Variants in FN1 observed in about 807,000 individuals in gnomAD.
FN1 encodes the protein fibronectin 1.
A neutral mutation model predicts 297.3 loss-of-function variants in FN1; 106 were observed. The ratio of observed to expected loss-of-function variants is 0.36; its 90% CI spans 0.30 to 0.42. FN1 has a LOEUF of 0.42. FN1 is among the 10% of genes least tolerant of loss of function. FN1 has a pLI of 1.00. For synonymous variants in FN1, 1,149 were observed against 1,152.6 expected (o/e 1.00, Z 0.06); for missense variants, 2,690 against 3,124.9 (o/e 0.86, Z 3.32).
intron 40 of FN1, chr2:215,370,657 A>C: frequency 1.9e-6 from 1 of 536,718 alleles, no homozygotes; most frequent in Non-Finnish European, 3.3e-6. Flanking sequence ...CCTGCCAACA[A>C]TCTACCTACG....
intron 12 of FN1, among the ~76,000 whole-genome samples, chr2:215,416,873 T>C (rs1176816813): frequency 6.6e-6 from 1 of 152,100 alleles, no homozygotes; most frequent in Non-Finnish European, 1.5e-5. Flanking sequence ...ACTACAGAGG[T>C]CCCTTTTGCT....
chr2:215,423,645 CAGAATAAAAAATGTCTGATAAT>C (rs935281180), intron 8 of FN1, 119 bp from the exon 9 acceptor site: 4 of 897,658 alleles, frequency 4.5e-6, no homozygotes, highest in Non-Finnish European at 7.2e-6. Flanking sequence ...CAGTCTATCT[CAGAATAAAAAATGTCTGATAAT>C]ATAGTTCTAA....
chr2:215,428,038 C>A (rs1025615051), intron 6 of FN1, 142 bp downstream of exon 6: 5 of 1,043,602 alleles, frequency 4.8e-6, no homozygotes, highest in Non-Finnish European at 7.2e-6. Flanking sequence ...TTTTAACAAC[C>A]AATAATGTGT....
chr2:215,434,611 T>C (rs1559622917), intron 2 of FN1, 85 bp downstream of exon 2: 19 of 1,465,966 alleles, frequency 1.3e-5, no homozygotes, highest in Non-Finnish European at 1.8e-5. Context: ...AAATGGTGTA[T>C]GTATTTTTAC....
intron 5 of FN1, 54 bp downstream of exon 5, chr2:215,430,661 G>A (rs2066350050): frequency 6.3e-7 from 1 of 1,592,452 alleles, no homozygotes; most frequent in East Asian, 2.2e-5. Flanking sequence ...TTCTCTCTAG[G>A]AATCCAGAAA....
chr2:215,365,354 C>G (rs1300797145), intron 43 of FN1, 151 bp downstream of exon 43: 1 of 862,032 alleles, frequency 1.2e-6, no homozygotes, highest in Non-Finnish European at 1.9e-6. Context: ...AAGCTTGTCT[C>G]CACTTTCCCA....
intron 21 of FN1, among the ~76,000 whole-genome samples, chr2:215,398,391 C>T (rs1575542575): frequency 1.3e-5 from 2 of 152,136 alleles, no homozygotes; most frequent in East Asian, 3.8e-4. Flanking sequence ...ATTTAAAATC[C>T]TTTTAAGATT....
At chr2:215,382,594 G>GA (rs2058364454) in intron 31 of FN1, among the ~76,000 whole-genome samples, 2 of 152,078 alleles carry the variant, frequency 1.3e-5, no homozygotes, top group Non-Finnish European at 2.9e-5. Context: ...ACTGCTCTCA[G>GA]AAAAAATGAA....
chr2:215,423,604 G>A (rs1559567005), intron 8 of FN1, 78 bp from the exon 9 acceptor site: 1 of 1,351,978 alleles, frequency 7.4e-7, no homozygotes, highest in East Asian at 2.3e-5. Context: ...ACTGGTCTGA[G>A]AGAGCCAGGT....
At chr2:215,381,951 A>C in intron 32 of FN1, 1 of 438,286 alleles carries the variant, frequency 2.3e-6, no homozygotes. Context: ...TAGGCAAATA[A>C]GATTTCGCTG....
intron 25 of FN1, chr2:215,392,064 C>T: frequency 2.1e-6 from 1 of 476,828 alleles, no homozygotes; most frequent in East Asian, 3.9e-5. Flanking sequence ...TTTTAATCTA[C>T]TTTCAAATAT....
intron 38 of FN1, among the ~76,000 whole-genome samples, chr2:215,374,252 A>G (rs528375227): frequency 0.011 from 1,599 of 150,716 alleles, 31 homozygotes; most frequent in African/African-American, 0.037. Context: ...GTCTGCTTCT[A>G]TTTTCCTGTT....
chr2:215,406,140 G>C (rs1289017233), intron 19 of FN1, 98 bp downstream of exon 19: 1 of 1,227,758 alleles, frequency 8.1e-7, no homozygotes, highest in East Asian at 2.3e-5. Flanking sequence ...CTCTCTCTAA[G>C]CCATACACCT....
At position 215,394,674 on chromosome 2, in the gene FN1, T is replaced by C. The variant is rs1031426074; in HGVS notation, c.3650A>G (p.Gln1217Arg). The change falls in exon 24 of 46, where the codon CAG (glutamine) becomes CGG (arginine). Residue 1217 changes from glutamine to arginine, a missense_variant. By Grantham distance (43) the Gln-to-Arg change is conservative. This residue lies in a region of FN1 where 1,743 missense variants were observed against 1,945.2 expected (regional missense o/e 0.90). Transcript: ENST00000354785. ...GACCACTTCTTCCAAAGAATTTCCC[T>C]GCTGGCCGTTTGTAGGGGTTGTGGT... ...RITTTPTNGQ[Q>R]GNSLEEVVHA... 1.9e-6 allele frequency: 3 copies of C among 1,614,024 alleles called. No homozygotes were observed. Among genetic ancestry groups the C allele is most frequent in the Non-Finnish European group, 2.5e-6 (3 of 1,180,012 alleles).
At chr2:215,388,808 CA>C (rs1342029763) in intron 26 of FN1, among the ~76,000 whole-genome samples, 1 of 152,078 alleles carries the variant, frequency 6.6e-6, no homozygotes, top group Non-Finnish European at 1.5e-5. Context: ...AAGAAATGAA[CA>C]AACCTATCAC....
intron 35 of FN1, 87 bp from the exon 36 acceptor site, chr2:215,376,761 T>C (rs937720494): frequency 8.8e-7 from 1 of 1,138,486 alleles, no homozygotes; most frequent in African/African-American, 1.5e-5. Flanking sequence ...TTGGTATATA[T>C]CAAATTCATC....
rs1245134566 is a variant in FN1, at chr2:215,394,541, A to G, written c.3783T>C (p.Asp1261=). The G allele has an allele frequency of 6.2e-7, 1 of 1,613,454 alleles. No homozygotes were observed. Among genetic ancestry groups the G allele is most frequent in the Non-Finnish European group, 8.5e-7 (1 of 1,179,474 alleles). The part of the protein sequence containing the change: ...KDDKESVPIS[D]TIIPEVPQLT... ...TTTTTCTATTACCTGGGATGATGGT[A>G]TCAGAGATAGGGACACTTTCCTTGT... The change falls in exon 24 of 46, where the codon GAT becomes GAC. Residue 1261 remains aspartate (D), a synonymous_variant. Transcript: ENST00000354785.
At chr2:215,365,075 T>G (rs2054262064) in intron 43 of FN1, 90 bp from the exon 44 acceptor site, 4 of 825,110 alleles carry the variant, frequency 4.8e-6, no homozygotes, top group Admixed American at 4.0e-5. Flanking sequence ...TGTCCTAAAT[T>G]TGTATCATCA....
Position 215,403,235 on chromosome 2 carries a change from G to A in FN1, c.3253+1154C>T, listed in dbSNP as rs2061360410. Among the ~76,000 whole-genome samples, 3 of 152,096 alleles carry A rather than the reference G, an allele frequency of 2.0e-5. No individual in the cohort carries two copies. The South Asian group carries it at 6.2e-4, about 32-fold the overall frequency. On this transcript the variant is annotated intron_variant, in intron 20 of 45. Coordinates refer to ENST00000354785, the MANE Select transcript of FN1 (RefSeq NM_212482.4). ...TTAAAAGTGAATTTTACTTGCTTAC[G>A]ATTAACTATTATTTAGGAAAAAGCC...
Sources: gnomAD v4.1 joint callset for allele counts (sites outside exome capture counted in the v4.1 genomes callset) on GRCh38, gnomAD v4.1.1 for gene constraint, gnomAD v4.1.1 regional missense constraint, MANE v1.5 for transcripts, NCBI Gene and HGNC (gene_info 2026-07-23, HGNC 2026-07-21) for gene names.